Variants in PATJ observed in about 807,000 individuals in gnomAD.
PATJ encodes the protein inaD-like protein.
A neutral mutation model predicts 224.9 loss-of-function variants in PATJ; 190 were observed. The observed-to-expected ratio is 0.84, with a 90% confidence interval of 0.75 to 0.95. PATJ has a LOEUF of 0.95. PATJ is among the 40% of genes least tolerant of loss of function. The pLI is 0.00. For missense variants in PATJ, 2,121 were observed against 2,270.3 expected, an observed-to-expected ratio of 0.93 and a Z score of 1.34; for synonymous variants, 769 against 820.3, an observed-to-expected ratio of 0.94 and a Z score of 1.07.
intron 23 of PATJ, among the ~76,000 whole-genome samples, chr1:61,900,231 A>T (rs1670940141): frequency 6.6e-6 from 1 of 152,106 alleles, no homozygotes; most frequent in Non-Finnish European, 1.5e-5. Context: ...GGATATCTCC[A>T]CCCAAACTGG....
At chr1:62,075,929 A>G (rs985943237) in intron 31 of PATJ, among the ~76,000 whole-genome samples, 1 of 151,816 alleles carries the variant, frequency 6.6e-6, no homozygotes, top group Non-Finnish European at 1.5e-5. Flanking sequence ...AAAAAAAAAA[A>G]AAAGAAAAGA....
chr1:61,903,936 C>A (rs978554563), intron 24 of PATJ, among the ~76,000 whole-genome samples: 8 of 152,098 alleles, frequency 5.3e-5, no homozygotes, highest in African/African-American at 1.9e-4. Flanking sequence ...CCACGCCCGG[C>A]TAATTTTTGA....
chr1:62,059,664 A>C (rs1013615510), intron 31 of PATJ, among the ~76,000 whole-genome samples: 4 of 152,168 alleles, frequency 2.6e-5, no homozygotes, highest in Non-Finnish European at 4.4e-5. Flanking sequence ...TCAATTTTGC[A>C]AAGAAAATTA....
chr1:61,981,639 G>C (rs1644454155), intron 27 of PATJ, among the ~76,000 whole-genome samples: 1 of 151,654 alleles, frequency 6.6e-6, no homozygotes, highest in African/African-American at 2.4e-5. Context: ...GTATGAAATT[G>C]GGGGAAACTC....
At chr1:61,787,415 A>T (rs1040454717) in intron 7 of PATJ, among the ~76,000 whole-genome samples, 9 of 152,162 alleles carry the variant, frequency 5.9e-5, no homozygotes, top group Middle Eastern at 3.4e-3. Context: ...TTCTGTTCTG[A>T]CCTTTCCTTC....
intron 3 of PATJ, among the ~76,000 whole-genome samples, chr1:61,765,066 ATTT>A (rs71582647): frequency 7.5e-4 from 18 of 24,010 alleles, no homozygotes; most frequent in South Asian, 3.3e-3. Flanking sequence ...ATTGACATTC[ATTT>A]TTTTTTTTTT....
intron 18 of PATJ, 56 bp from the exon 19 acceptor site, chr1:61,861,495 G>C: frequency 1.4e-6 from 1 of 717,924 alleles, no homozygotes; most frequent in Admixed American, 2.7e-5. Context: ...CCCTCCCCTT[G>C]CTCCCCACCC....
chr1:62,060,374 A>T (rs1020182877), intron 31 of PATJ, among the ~76,000 whole-genome samples: 1 of 151,460 alleles, frequency 6.6e-6, no homozygotes, highest in Non-Finnish European at 1.5e-5. Context: ...TTTATTTTTT[A>T]TTTATTTTTT....
chr1:61,936,002 A>G lies in PATJ; in HGVS notation c.3670+8173A>G, dbSNP rs114359936. ...TTTAAGCTTAGAAGGGATAACTTTA[A>G]AAAAAATAACAACTTTATTGAGATA... On this transcript the variant is annotated intron_variant, in intron 27 of 43. Transcript: ENST00000642238. 4.5e-3 allele frequency among the ~76,000 whole-genome samples: 689 copies of G among 152,088 alleles called. 3 individuals carry two copies. The highest frequency in any genetic ancestry group is 0.031 in the Middle Eastern group (9 of 294).
At chr1:62,129,956 T>A (rs1004244837) in intron 41 of PATJ, among the ~76,000 whole-genome samples, 9 of 151,890 alleles carry the variant, frequency 5.9e-5, no homozygotes, top group Non-Finnish European at 1.3e-4. Context: ...ATAAAATAAA[T>A]TAGTTTATAG....
At chr1:61,887,173 G>T (rs1025641801) in intron 22 of PATJ, among the ~76,000 whole-genome samples, 4 of 152,080 alleles carry the variant, frequency 2.6e-5, no homozygotes, top group African/African-American at 9.7e-5. Flanking sequence ...CCATAAAGGG[G>T]GTGATTAAAT....
intron 27 of PATJ, among the ~76,000 whole-genome samples, chr1:61,965,684 G>T (rs933040488): frequency 5.9e-5 from 9 of 152,144 alleles, no homozygotes; most frequent in Non-Finnish European, 1.0e-4. Flanking sequence ...ACCCAAATGC[G>T]AGTGGCAAAA....
intron 24 of PATJ, among the ~76,000 whole-genome samples, chr1:61,902,888 A>G (rs1021089494): frequency 5.3e-5 from 8 of 152,170 alleles, no homozygotes; most frequent in Non-Finnish European, 1.2e-4. Context: ...GGACAAATAT[A>G]GGAAATGAGA....
Position 61,827,564 on chromosome 1 carries a change from C to A in PATJ, c.1961C>A (p.Thr654Asn). The change falls in exon 16 of 44, where the codon ACC (threonine) becomes AAC (asparagine). Residue 654 changes from threonine (T) to asparagine (N), a missense_variant. Thr to Asn is a moderately conservative substitution (Grantham distance 65, BLOSUM62 0). Coordinates refer to ENST00000642238, the MANE Select transcript of PATJ (RefSeq NM_001350145.3). ...ASVDEPRRTE[T>N]SLPETEVDHN... Reference sequence around the variant, plus strand: ...GTAGATGAACCAAGGCGCACTGAAACCTCTCTTCCTGAGACAGAGGTACTA... The same window carrying A: ...GTAGATGAACCAAGGCGCACTGAAAACTCTCTTCCTGAGACAGAGGTACTA... 1 of 1,613,864 alleles carries A rather than the reference C, an allele frequency of 6.2e-7. No homozygotes were observed. The highest frequency in any genetic ancestry group is 1.3e-5 in the African/African-American group (1 of 75,006).
chr1:62,032,270 C>A (rs1649473435), intron 29 of PATJ, among the ~76,000 whole-genome samples: 2 of 152,094 alleles, frequency 1.3e-5, no homozygotes, highest in Non-Finnish European at 2.9e-5. Context: ...CAGGAAGCCC[C>A]CTCCATCCTG....
intron 31 of PATJ, among the ~76,000 whole-genome samples, chr1:62,056,078 G>A (rs761825569): frequency 7.9e-5 from 12 of 152,082 alleles, no homozygotes; most frequent in African/African-American, 1.2e-4. Flanking sequence ...CTGGCCCTCC[G>A]CCAATTGGAT....
intron 34 of PATJ, among the ~76,000 whole-genome samples, chr1:62,110,608 T>C (rs1476622374): frequency 6.6e-6 from 1 of 152,204 alleles, no homozygotes; most frequent in African/African-American, 2.4e-5. Context: ...CTGTGTCTCC[T>C]TTCTGGTTCT....
At chr1:61,776,966 C>A (rs1023283329) in intron 7 of PATJ, among the ~76,000 whole-genome samples, 6 of 152,160 alleles carry the variant, frequency 3.9e-5, no homozygotes, top group African/African-American at 1.4e-4. Flanking sequence ...ACCTCGTGAT[C>A]CGCCCGCCTT....
chr1:62,102,993 A>T (rs1662405425), intron 33 of PATJ, among the ~76,000 whole-genome samples: 1 of 152,060 alleles, frequency 6.6e-6, no homozygotes, highest in Non-Finnish European at 1.5e-5. Flanking sequence ...AGTGAGATCT[A>T]CAGATCATCG....
Sources: allele counts gnomAD v4.1 joint callset (sites outside exome capture counted in the v4.1 genomes callset), GRCh38; gene constraint gnomAD v4.1.1; transcripts MANE v1.5; gene names NCBI Gene and HGNC (gene_info 2026-07-23, HGNC 2026-07-21).